The following PPFIBP2 variants were observed in gnomAD, a reference collection of about 807,000 sequenced individuals.
The protein encoded by PPFIBP2 is PPFIB scaffold protein 2, also known as liprin-beta-2.
A neutral mutation model predicts 118.3 loss-of-function variants in PPFIBP2; 118 were observed. The observed-to-expected ratio is 1.00, with a 90% CI of 0.86 to 1.16. PPFIBP2 has a LOEUF of 1.16. Among genes scored for constraint, PPFIBP2 ranks in the 50% most tolerant of loss-of-function variants. The pLI, the probability that PPFIBP2 is intolerant of heterozygous loss-of-function variation, is 0.00. For missense variants in PPFIBP2, 1,195 were observed against 1,073.1 expected (o/e 1.11, Z -1.59); for synonymous variants, 414 against 397.4 (o/e 1.04, Z -0.50).
intron 2 of PPFIBP2, 28 bp downstream of exon 2, chr11:7,549,567 G>A: frequency 6.6e-7 from 1 of 1,515,158 alleles, no homozygotes; most frequent in Non-Finnish European, 8.8e-7. Context: ...CAGCAACCAA[G>A]GTCTCATCCT....
chr11:7,639,060 AT>A (rs1170889573), intron 14 of PPFIBP2, among the ~76,000 whole-genome samples: 6 of 152,180 alleles, frequency 3.9e-5, no homozygotes, highest in East Asian at 3.9e-4. Context: ...CAATATAGGG[AT>A]TTTTTCTTCT....
the PPFIBP2 span, chr11:7,665,632 A>G: frequency 7.2e-7 from 1 of 1,396,994 alleles, no homozygotes; most frequent in Non-Finnish European, 9.6e-7. Context: ...ACCCTCAGCC[A>G]GGGAGGAGGT....
chr11:7,665,763 G>A, the PPFIBP2 span: 3 of 1,405,000 alleles, frequency 2.1e-6, no homozygotes, highest in Non-Finnish European at 2.9e-6. Flanking sequence ...CAGGGACCCT[G>A]AAGCCCTGCT....
At chr11:7,576,537 G>C (rs1388028969) in intron 3 of PPFIBP2, 1 of 152,444 alleles carries the variant, frequency 6.6e-6, no homozygotes, top group Non-Finnish European at 1.5e-5. Context: ...GCCTTTCCAA[G>C]GCCCCTGTCT....
chr11:7,556,928 T>C (rs1257873402), intron 2 of PPFIBP2, among the ~76,000 whole-genome samples: 1 of 152,240 alleles, frequency 6.6e-6, no homozygotes, highest in East Asian at 1.9e-4. Context: ...GGTGGATTTG[T>C]TTTGATGTAT....
At chr11:7,551,976 C>T (rs1186927507) in intron 2 of PPFIBP2, among the ~76,000 whole-genome samples, 3 of 152,198 alleles carry the variant, frequency 2.0e-5, no homozygotes, top group African/African-American at 7.2e-5. Flanking sequence ...TTCTGATCTT[C>T]CAGTACAAAC....
intron 1 of PPFIBP2, among the ~76,000 whole-genome samples, chr11:7,523,072 C>T (rs77470021): frequency 0.012 from 1,817 of 152,114 alleles, 33 homozygotes; most frequent in African/African-American, 0.041. Flanking sequence ...AAGCAGGGTC[C>T]GGTGTAGAGT....
intron 3 of PPFIBP2, among the ~76,000 whole-genome samples, chr11:7,584,714 GC>G (rs1857818737): frequency 6.6e-6 from 1 of 152,162 alleles, no homozygotes; most frequent in East Asian, 1.9e-4. Flanking sequence ...ATTGACTGTA[GC>G]TTTTGTGATC....
At chr11:7,633,961 C>A (rs1019748325) in intron 12 of PPFIBP2, among the ~76,000 whole-genome samples, 1 of 152,146 alleles carries the variant, frequency 6.6e-6, no homozygotes, top group Non-Finnish European at 1.5e-5. Flanking sequence ...GCAAAATAGA[C>A]CCTGAGAGAG....
intron 4 of PPFIBP2, among the ~76,000 whole-genome samples, chr11:7,594,092 C>G (rs1859842254): frequency 6.6e-6 from 1 of 152,268 alleles, no homozygotes; most frequent in South Asian, 2.1e-4. Context: ...AGGCTATGGG[C>G]TTTAGCTTGG....
chr11:7,640,640 G>A lies in PPFIBP2; in HGVS notation c.1375+770G>A, dbSNP rs1852050828. Among the ~76,000 whole-genome samples, 3 of 152,316 alleles carry A rather than the reference G, an allele frequency of 2.0e-5. No individual in the cohort carries two copies. In the South Asian group the frequency reaches 6.2e-4, roughly 32 times the overall value. On this transcript the variant is annotated intron_variant, in intron 15 of 23. Coordinates refer to ENST00000299492, the MANE Select transcript of PPFIBP2 (RefSeq NM_003621.5). ...GAACTTCAGATAAACCCTTGAATGA[G>A]TGTGTTCTAGTGACACTCAAACTGG...
intron 22 of PPFIBP2, 62 bp downstream of exon 22, chr11:7,651,027 T>G: frequency 6.4e-7 from 1 of 1,559,996 alleles, no homozygotes; most frequent in Non-Finnish European, 8.7e-7. Context: ...AGAAACTTAT[T>G]TATTAAGGAC....
chr11:7,566,570 G>T (rs1409576502), intron 3 of PPFIBP2, among the ~76,000 whole-genome samples: 1 of 152,112 alleles, frequency 6.6e-6, no homozygotes, highest in African/African-American at 2.4e-5. Flanking sequence ...GTTTCCCTAT[G>T]TTGTCCAGGT....
intron 5 of PPFIBP2, among the ~76,000 whole-genome samples, chr11:7,605,271 G>C (rs575340272): frequency 3.3e-4 from 50 of 152,202 alleles, no homozygotes; most frequent in Non-Finnish European, 6.0e-4. Context: ...CTTTGAAATA[G>C]AACTTACATT....
At position 7,567,296 on chromosome 11, in the gene PPFIBP2, T is replaced by G. The variant is rs142496448; in HGVS notation, c.279+1529T>G. Among the ~76,000 whole-genome samples the G allele has an allele frequency of 2.3e-3, 348 of 152,380 alleles. 3 individuals are homozygous for G. Among genetic ancestry groups the G allele is most frequent in the Middle Eastern group, 0.01 (3 of 294 alleles). On this transcript the variant is annotated intron_variant, in intron 3 of 23. Transcript: ENST00000299492. ...TGGTATAAACAATGAATCTAACTTT[T>G]AAAACAGTTTTTGGAAATTTATTAA...
At chr11:7,620,622 C>T (rs998603630) in intron 6 of PPFIBP2, among the ~76,000 whole-genome samples, 4 of 152,204 alleles carry the variant, frequency 2.6e-5, no homozygotes, top group African/African-American at 7.2e-5. Flanking sequence ...CGAAGCCTCG[C>T]CTGCCTGCCT....
intron 1 of PPFIBP2, among the ~76,000 whole-genome samples, chr11:7,533,569 C>T (rs572348653): frequency 9.2e-5 from 14 of 152,088 alleles, no homozygotes; most frequent in African/African-American, 1.9e-4. Context: ...ACAGCTCTGA[C>T]GATAAAGGTG....
At chr11:7,520,044 C>G (rs773858036) in intron 1 of PPFIBP2, among the ~76,000 whole-genome samples, 1 of 152,192 alleles carries the variant, frequency 6.6e-6, no homozygotes, top group Non-Finnish European at 1.5e-5. Flanking sequence ...AGACCCGAGC[C>G]TCTCCCAGGT....
intron 17 of PPFIBP2, among the ~76,000 whole-genome samples, chr11:7,643,504 C>A (rs75634177): frequency 0.057 from 8,703 of 152,278 alleles, 306 homozygotes; most frequent in Middle Eastern, 0.099. Flanking sequence ...CAGCCACAGG[C>A]TGCTTTGTTC....
Sources: allele counts gnomAD v4.1 joint callset (sites outside exome capture counted in the v4.1 genomes callset), GRCh38; gene constraint gnomAD v4.1.1; transcripts MANE v1.5; gene names NCBI Gene and HGNC (gene_info 2026-07-23, HGNC 2026-07-21).